Variants in ATAD2B observed in about 807,000 individuals in gnomAD.
ATAD2B encodes ATPase family AAA domain containing 2B, also known as ATPase family AAA domain-containing protein 2B.
ATAD2B carries 40 observed loss-of-function variants against 167.6 expected under a neutral mutation model. That is an observed-to-expected ratio of 0.24 (90% CI 0.19 to 0.31). The LOEUF is 0.31. Among genes scored for constraint, ATAD2B ranks in the 10% least tolerant of loss-of-function variants. The pLI is 1.00. For synonymous variants in ATAD2B, 579 were observed against 596.5 expected, an observed-to-expected ratio of 0.97 and a Z score of 0.43; for missense variants, 1,242 against 1,757.2, an observed-to-expected ratio of 0.71 and a Z score of 5.24.
chr2:23,720,755 A>G, the ATAD2B span, among the ~76,000 whole-genome samples: 1 of 152,094 alleles, frequency 6.6e-6, no homozygotes, highest in Non-Finnish European at 1.5e-5. Flanking sequence ...AGTCCTTACA[A>G]AAAGAGAATC....
chr2:23,820,205 G>A (rs992172387), intron 16 of ATAD2B, among the ~76,000 whole-genome samples: 4 of 151,550 alleles, frequency 2.6e-5, no homozygotes, highest in African/African-American at 9.7e-5. Context: ...AAAAATCTCT[G>A]AGTTAATTTT....
chr2:23,889,340 G>T (rs1366960130), intron 2 of ATAD2B, among the ~76,000 whole-genome samples: 1 of 151,826 alleles, frequency 6.6e-6, no homozygotes, highest in East Asian at 2.0e-4. Context: ...GCTAATTTTT[G>T]TATTCTTAGT....
At chr2:23,694,644 A>C in the ATAD2B span, among the ~76,000 whole-genome samples, 1 of 152,110 alleles carries the variant, frequency 6.6e-6, no homozygotes, top group South Asian at 2.1e-4. Flanking sequence ...CCTCAACAAA[A>C]TCCTGTTACA....
chr2:23,842,635 A>G (rs1691105310), intron 13 of ATAD2B, among the ~76,000 whole-genome samples: 1 of 152,132 alleles, frequency 6.6e-6, no homozygotes, highest in Non-Finnish European at 1.5e-5. Context: ...TTTTCAGCAT[A>G]AGAGTCTAGA....
chr2:23,906,213 C>T (rs1016288034), intron 1 of ATAD2B, among the ~76,000 whole-genome samples: 3 of 151,616 alleles, frequency 2.0e-5, no homozygotes, highest in Admixed American at 6.6e-5. Context: ...TGGTGGTGGG[C>T]GCCTGTAATC....
intron 6 of ATAD2B, among the ~76,000 whole-genome samples, chr2:23,884,085 A>G (rs1698351466): frequency 6.6e-6 from 1 of 152,162 alleles, no homozygotes; most frequent in Non-Finnish European, 1.5e-5. Flanking sequence ...CGGAGGTTGC[A>G]GTGAGCCAAG....
chr2:23,875,870 C>G lies in ATAD2B; in HGVS notation c.936G>C (p.Leu312=), dbSNP rs773228442. 1.2e-6 allele frequency: 2 copies of G among 1,610,580 alleles called. No individual in the cohort carries two copies. The highest frequency in any genetic ancestry group is 2.2e-5 in the South Asian group (2 of 90,362). Residue 312 remains leucine, a synonymous_variant, in exon 8 of 28, where the codon CTG becomes CTC. Transcript: ENST00000238789. ...TTGCTGGAGATCTATGAATATCAAA[C>G]AGCGTGTTTTCCCTCTTTTTTTGAT... ...PAHQKKRENT[L]FDIHRSPARR...
the ATAD2B span, among the ~76,000 whole-genome samples, chr2:23,721,719 T>A: frequency 2.0e-5 from 3 of 151,974 alleles, no homozygotes; most frequent in Admixed American, 2.0e-4. Flanking sequence ...AACAGTCCCA[T>A]GGGCCACGGT....
the ATAD2B span, among the ~76,000 whole-genome samples, chr2:23,687,441 C>G: frequency 6.6e-6 from 1 of 152,346 alleles, no homozygotes; most frequent in East Asian, 1.9e-4. Context: ...CCAGTGCAGA[C>G]GCCCTGCCCC....
the ATAD2B span, among the ~76,000 whole-genome samples, chr2:23,740,906 A>G: frequency 1.3e-5 from 2 of 152,226 alleles, no homozygotes; most frequent in East Asian, 3.8e-4. Flanking sequence ...TTATACACCA[A>G]TAACAGACAA....
At chr2:23,728,857 A>G in the ATAD2B span, among the ~76,000 whole-genome samples, 2 of 152,248 alleles carry the variant, frequency 1.3e-5, no homozygotes, top group Non-Finnish European at 2.9e-5. Context: ...TCATTCTCAC[A>G]CTACTATAAA....
intron 1 of ATAD2B, among the ~76,000 whole-genome samples, chr2:23,917,108 G>A (rs780995420): frequency 4.6e-5 from 7 of 152,222 alleles, no homozygotes; most frequent in Middle Eastern, 3.2e-3. Flanking sequence ...AACTCAAAAA[G>A]AACCAAAAAT....
At chr2:23,712,952 A>G in the ATAD2B span, among the ~76,000 whole-genome samples, 127,286 of 152,062 alleles carry the variant, frequency 0.84, 55,366 homozygotes, top group East Asian at 1. Context: ...ACCTCCCACC[A>G]TGGGCCGCCT....
chr2:23,903,942 G>T (rs34326859), intron 1 of ATAD2B, among the ~76,000 whole-genome samples: 65,891 of 151,210 alleles, frequency 0.44, 15,431 homozygotes, highest in East Asian at 0.78. Flanking sequence ...GTTGTTGTTG[G>T]TGGTGGTGGT....
chr2:23,780,697 T>A (rs561277408), intron 22 of ATAD2B, among the ~76,000 whole-genome samples: 30 of 151,956 alleles, frequency 2.0e-4, no homozygotes, highest in Non-Finnish European at 3.8e-4. Flanking sequence ...GTCAGGACTT[T>A]AAGACCAGCC....
At chr2:23,821,171 T>C (rs1171415947) in intron 16 of ATAD2B, among the ~76,000 whole-genome samples, 1 of 152,184 alleles carries the variant, frequency 6.6e-6, no homozygotes, top group African/African-American at 2.4e-5. Flanking sequence ...GGCAACTAGT[T>C]CTACCAACTG....
At chr2:23,769,536 T>C (rs1366120698) in intron 22 of ATAD2B, among the ~76,000 whole-genome samples, 2 of 152,108 alleles carry the variant, frequency 1.3e-5, no homozygotes, top group Non-Finnish European at 2.9e-5. Context: ...ATGACTATAA[T>C]ACATATGTTA....
At chr2:23,776,597 T>C (rs1679170198) in intron 22 of ATAD2B, among the ~76,000 whole-genome samples, 1 of 152,236 alleles carries the variant, frequency 6.6e-6, no homozygotes, top group African/African-American at 2.4e-5. Flanking sequence ...ACTTGTTTTT[T>C]TCATACCTCT....
At chr2:23,780,299 G>A (rs1448252638) in intron 22 of ATAD2B, among the ~76,000 whole-genome samples, 2 of 146,206 alleles carry the variant, frequency 1.4e-5, no homozygotes, top group Non-Finnish European at 3.0e-5. Flanking sequence ...GTGTGTGTGT[G>A]TGTGTTATAT....
Sources: gnomAD v4.1 joint callset for allele counts (sites outside exome capture counted in the v4.1 genomes callset) on GRCh38, gnomAD v4.1.1 for gene constraint, MANE v1.5 for transcripts, NCBI Gene and HGNC (gene_info 2026-07-23, HGNC 2026-07-21) for gene names.